The following RBMS3 variants were observed in gnomAD, a reference collection of about 807,000 sequenced individuals.
The protein encoded by RBMS3 is RNA binding motif single stranded interacting protein 3, also known as RNA-binding motif, single-stranded-interacting protein 3.
RBMS3 carries 27 observed loss-of-function variants against 66.8 expected under a neutral mutation model. The observed-to-expected ratio is 0.40, with a 90% confidence interval of 0.30 to 0.56. The LOEUF is 0.56. RBMS3 is among the 20% of genes least tolerant of loss of function. The pLI is 0.40. For missense variants in RBMS3, 513 were observed against 549.5 expected (o/e 0.93, Z 0.66); for synonymous variants, 188 against 183.0 (o/e 1.03, Z -0.22).
At chr3:29,483,741 C>T (rs1393265765) in intron 2 of RBMS3, among the ~76,000 whole-genome samples, 2 of 152,176 alleles carry the variant, frequency 1.3e-5, no homozygotes, top group African/African-American at 4.8e-5. Context: ...TTTTTCTAAT[C>T]TCTAAGACAT....
At chr3:29,559,510 C>CAAAAAAAAAAAAAAAAAAAAAAAAAA (rs553520590) in intron 3 of RBMS3, among the ~76,000 whole-genome samples, 1 of 41,370 alleles carries the variant, frequency 2.4e-5, no homozygotes, top group African/African-American at 7.5e-5. Flanking sequence ...GACTCTGTCT[C>CAAAAAAAAAAAAAAAAAAAAAAAAAA]AAAAAAAAAA....
chr3:29,496,195 C>CAAAAAA (rs60639896), intron 3 of RBMS3, among the ~76,000 whole-genome samples: 15 of 110,384 alleles, frequency 1.4e-4, no homozygotes, highest in East Asian at 2.4e-4. Context: ...CCGCCCACAT[C>CAAAAAA]AAAAAAAAAA....
At chr3:29,504,395 C>A (rs1378581652) in intron 3 of RBMS3, among the ~76,000 whole-genome samples, 1 of 151,868 alleles carries the variant, frequency 6.6e-6, no homozygotes, top group Non-Finnish European at 1.5e-5. Context: ...GAGAAGGCAA[C>A]CATAAAAATA....
intron 2 of RBMS3, among the ~76,000 whole-genome samples, chr3:29,469,228 T>C (rs2042639348): frequency 6.6e-6 from 1 of 152,108 alleles, no homozygotes; most frequent in South Asian, 2.1e-4. Flanking sequence ...ATGGGAAATA[T>C]TAAAGAATTC....
In RBMS3 at chr3:29,281,270, G is replaced by C; in HGVS notation, c.-412G>C. The C allele has an allele frequency of 6.1e-6, 1 of 163,626 alleles. No homozygotes were observed. Among genetic ancestry groups the C allele is most frequent in the Non-Finnish European group, 1.3e-5 (1 of 78,978 alleles). The allele number at this position is 163,626 out of a possible 1,614,324, so 10.1% of individuals were successfully genotyped here. A position where few individuals can be genotyped will look rare whatever the true frequency, so the allele number is the denominator to read the frequency against. On this transcript the variant is annotated 5_prime_UTR_variant, in exon 1 of 15. Transcript: ENST00000383767. ...GAAAGAGACAACCAAGAGACAGGAA[G>C]CTGATCTGCAAGGATTCGGAGTTGT...
At chr3:29,985,025 C>A (rs1698278882) in intron 12 of RBMS3, among the ~76,000 whole-genome samples, 2 of 152,216 alleles carry the variant, frequency 1.3e-5, no homozygotes, top group South Asian at 4.1e-4. Context: ...GGTGCTCTGT[C>A]CCAGGGAGAT....
At chr3:29,410,277 C>T (rs538367904) in intron 1 of RBMS3, among the ~76,000 whole-genome samples, 1 of 152,302 alleles carries the variant, frequency 6.6e-6, no homozygotes, top group South Asian at 2.1e-4. Flanking sequence ...GAACTGCTGG[C>T]CTTCTAACAA....
chr3:29,981,763 T>TC (rs1351566982), intron 12 of RBMS3, among the ~76,000 whole-genome samples: 2 of 152,208 alleles, frequency 1.3e-5, no homozygotes, highest in African/African-American at 4.8e-5. Context: ...CAGCCTTGCA[T>TC]CCCAGGGATG....
chr3:29,787,256 G>A (rs1320883515), intron 6 of RBMS3, among the ~76,000 whole-genome samples: 2 of 152,020 alleles, frequency 1.3e-5, no homozygotes, highest in South Asian at 2.1e-4. Context: ...AGTGCAACCA[G>A]TATGGAAAAA....
At chr3:29,796,712 C>CTTTTTT (rs71295051) in intron 6 of RBMS3, among the ~76,000 whole-genome samples, 15 of 115,270 alleles carry the variant, frequency 1.3e-4, no homozygotes, top group Admixed American at 1.9e-4. Flanking sequence ...TGAAAGGAAT[C>CTTTTTT]TTTTTTTTTT....
At chr3:29,367,499 C>A (rs2037973519) in intron 1 of RBMS3, among the ~76,000 whole-genome samples, 2 of 152,008 alleles carry the variant, frequency 1.3e-5, no homozygotes, top group Admixed American at 1.3e-4. Context: ...TTTAATACAA[C>A]TCTCCATATT....
chr3:29,674,274 A>G (rs773645271), intron 4 of RBMS3, among the ~76,000 whole-genome samples: 4 of 152,214 alleles, frequency 2.6e-5, no homozygotes, highest in Non-Finnish European at 5.9e-5. Context: ...AGAGCTATTT[A>G]TAACAAACCC....
chr3:29,933,237 G>A (rs2061177114), intron 10 of RBMS3, among the ~76,000 whole-genome samples: 1 of 152,158 alleles, frequency 6.6e-6, no homozygotes, highest in African/African-American at 2.4e-5. Flanking sequence ...ATTTGACAGT[G>A]TATTTAATAA....
chr3:29,506,423 A>T (rs2044182816), intron 3 of RBMS3, among the ~76,000 whole-genome samples: 1 of 151,998 alleles, frequency 6.6e-6, no homozygotes, highest in African/African-American at 2.4e-5. Context: ...TCACTGGAAT[A>T]AATTGCACTT....
intron 12 of RBMS3, among the ~76,000 whole-genome samples, chr3:29,987,281 A>G (rs180752924): frequency 1.3e-5 from 2 of 152,316 alleles, no homozygotes; most frequent in African/African-American, 2.4e-5. Flanking sequence ...AGAAAATTCA[A>G]TTCTTGAAGA....
intron 4 of RBMS3, chr3:29,698,205 A>G: frequency 5.1e-6 from 5 of 984,956 alleles, no homozygotes; most frequent in Non-Finnish European, 6.0e-6. Flanking sequence ...CAGGACTTCA[A>G]TTTTATAAGA....
At chr3:29,511,494 T>C (rs1559424702) in intron 3 of RBMS3, among the ~76,000 whole-genome samples, 2 of 152,116 alleles carry the variant, frequency 1.3e-5, no homozygotes, top group Admixed American at 1.3e-4. Flanking sequence ...TCCATGGTAT[T>C]TGTTGGTGCC....
At chr3:29,550,471 T>C (rs1007369335) in intron 3 of RBMS3, among the ~76,000 whole-genome samples, 1 of 152,142 alleles carries the variant, frequency 6.6e-6, no homozygotes, top group African/African-American at 2.4e-5. Context: ...AGAAAAATGA[T>C]TTAGTGTAAT....
intron 1 of RBMS3, among the ~76,000 whole-genome samples, chr3:29,411,152 CCATT>C (rs1228264228): frequency 6.6e-6 from 1 of 152,108 alleles, no homozygotes; most frequent in African/African-American, 2.4e-5. Context: ...TATCTGATAT[CCATT>C]CATCATAAAC....
Sources: allele counts gnomAD v4.1 joint callset (sites outside exome capture counted in the v4.1 genomes callset), GRCh38; gene constraint gnomAD v4.1.1; transcripts MANE v1.5; gene names NCBI Gene and HGNC (gene_info 2026-07-23, HGNC 2026-07-21).